UBQLN1: variants seen among roughly 807,000 people sequenced by gnomAD.
UBQLN1 encodes ubiquilin-1.
UBQLN1 carries 13 observed loss-of-function variants against 65.4 expected under a neutral mutation model. That is an observed-to-expected ratio of 0.20 (90% CI 0.13 to 0.32). The LOEUF is 0.32. UBQLN1 is among the 10% of genes least tolerant of loss of function. The pLI is 1.00. For synonymous variants in UBQLN1, 267 were observed against 247.8 expected (o/e 1.08, Z -0.73); for missense variants, 561 against 724.0 (o/e 0.77, Z 2.58).
In UBQLN1 at chr9:83,683,185, G is replaced by A. The variant is rs956857851; in HGVS notation, c.333-119C>T. 5.4e-6 allele frequency: 3 copies of A among 560,620 alleles called. No homozygotes were observed. The African/African-American group carries it at 5.7e-5, about 11-fold the overall frequency. The allele number at this position is 560,620 out of a possible 1,614,324, so 34.7% of individuals were successfully genotyped here. A position where few individuals can be genotyped will look rare whatever the true frequency, so the allele number is the denominator to read the frequency against. ...CCCAGCACTTTGGGAGGCCGAAGCT[G>A]GCTGATCACGAGGTCAAGAGATAGA... On this transcript the variant is annotated intron_variant, in intron 2 of 10. Coordinates refer to ENST00000376395, the MANE Select transcript of UBQLN1 (RefSeq NM_013438.5).
intron 1 of UBQLN1, among the ~76,000 whole-genome samples, chr9:83,696,547 G>C (rs1013450067): frequency 1.2e-4 from 18 of 152,186 alleles, no homozygotes; most frequent in African/African-American, 4.1e-4. Flanking sequence ...GCTGAAGTGG[G>C]AGAATCGCTT....
At chr9:83,662,008 A>T in intron 10 of UBQLN1, 69 bp from the exon 11 acceptor site, 1 of 1,458,036 alleles carries the variant, frequency 6.9e-7, no homozygotes, top group Non-Finnish European at 9.3e-7. Context: ...GACTTTTAAA[A>T]TTTTTTAATT....
At chr9:83,696,819 C>T (rs895766761) in intron 1 of UBQLN1, among the ~76,000 whole-genome samples, 4 of 152,048 alleles carry the variant, frequency 2.6e-5, no homozygotes, top group Admixed American at 6.5e-5. Context: ...TTACAGTACT[C>T]GGGGGCAGGG....
Position 83,661,850 on chromosome 9 carries a change from T to C in UBQLN1, c.1707A>G (p.Leu569=). 6.2e-7 allele frequency: 1 copy of C among 1,614,106 alleles called. No homozygotes were observed. Among genetic ancestry groups the C allele is most frequent in the African/African-American group, 1.3e-5 (1 of 75,054 alleles). The part of the protein sequence containing the change: ...FLNREANLQA[L]IATGGDINAA... ...CATTGATATCACCTCCTGTTGCTATTAGAGCTTGCAAGTTTGCTTCACGGT... is the reference window on the plus strand; with the variant it reads ...CATTGATATCACCTCCTGTTGCTATCAGAGCTTGCAAGTTTGCTTCACGGT... Residue 569 remains leucine (L), a synonymous_variant, in exon 11 of 11, where the codon CTA becomes CTG. Coordinates refer to ENST00000376395, the MANE Select transcript of UBQLN1 (RefSeq NM_013438.5).
chr9:83,689,737 T>A (rs1832095810), intron 1 of UBQLN1, among the ~76,000 whole-genome samples: 1 of 152,188 alleles, frequency 6.6e-6, no homozygotes, highest in Admixed American at 6.5e-5. Context: ...GGACTATCAT[T>A]AGCAGAGTAA....
chr9:83,679,697 A>C lies in UBQLN1; in HGVS notation c.711+78T>G, dbSNP rs1831908400. ...TTTAGCTTAACCATACATACAGGAC[A>C]ATCTCATTAACCACAGAAAATTAAA... On this transcript the variant is annotated intron_variant, in intron 4 of 10. Coordinates refer to ENST00000376395, the MANE Select transcript of UBQLN1 (RefSeq NM_013438.5). The C allele has an allele frequency of 1.1e-5, 16 of 1,477,608 alleles. 1 individual carries two copies. The highest frequency in any genetic ancestry group is 2.2e-4 in the Middle Eastern group (1 of 4,484). 91.5% of individuals were successfully genotyped at this position (1,477,608 alleles called of 1,614,324 possible).
Position 83,660,758 on chromosome 9 carries a change from T to G in UBQLN1, c.*1029A>C, listed in dbSNP as rs1831550842. The G allele has an allele frequency of 7.1e-6, 1 of 141,108 alleles. No homozygotes were observed. The highest frequency in any genetic ancestry group is 1.5e-5 in the Non-Finnish European group (1 of 66,664). 8.7% of individuals were successfully genotyped at this position (141,108 alleles called of 1,614,324 possible). On this transcript the variant is annotated 3_prime_UTR_variant, in exon 11 of 11. Coordinates refer to ENST00000376395, the MANE Select transcript of UBQLN1 (RefSeq NM_013438.5). ...ACTACCAAAACACTTCAGAAACAAT[T>G]GGCTCACAACTCATTTTAAATTTGT...
intron 1 of UBQLN1, among the ~76,000 whole-genome samples, chr9:83,692,157 G>A (rs1353849993): frequency 1.3e-5 from 2 of 152,166 alleles, no homozygotes; most frequent in Admixed American, 6.5e-5. Flanking sequence ...TAATTGTACC[G>A]TGCCAGATAT....
chr9:83,701,989 G>T (rs11140219), intron 1 of UBQLN1, among the ~76,000 whole-genome samples: 2 of 152,166 alleles, frequency 1.3e-5, no homozygotes, highest in Non-Finnish European at 2.9e-5. Context: ...CAATAAAAAG[G>T]AAGTAAGTAC....
At chr9:83,704,683 G>C (rs2131192813) in intron 1 of UBQLN1, among the ~76,000 whole-genome samples, 1 of 152,100 alleles carries the variant, frequency 6.6e-6, no homozygotes, top group South Asian at 2.1e-4. Context: ...AAATTAGCCG[G>C]GTGTGGTGTG....
chr9:83,682,782 T>TC (rs1373179900), intron 3 of UBQLN1, among the ~76,000 whole-genome samples, 169 bp downstream of exon 3: 1 of 151,772 alleles, frequency 6.6e-6, no homozygotes, highest in East Asian at 1.9e-4. Flanking sequence ...AATATCCATA[T>TC]CCCCAACTAC....
intron 1 of UBQLN1, among the ~76,000 whole-genome samples, chr9:83,700,643 G>T (rs1832295022): frequency 1.3e-5 from 2 of 152,132 alleles, no homozygotes; most frequent in African/African-American, 4.8e-5. Flanking sequence ...TTTGCATTAA[G>T]ATTTAAAGAT....
intron 1 of UBQLN1, among the ~76,000 whole-genome samples, chr9:83,707,016 G>C (rs1394144656): frequency 6.6e-6 from 1 of 152,112 alleles, no homozygotes; most frequent in African/African-American, 2.4e-5. Flanking sequence ...ATATACACAT[G>C]CACCTCACCC....
intron 1 of UBQLN1, among the ~76,000 whole-genome samples, chr9:83,692,309 C>T (rs985308411): frequency 2.4e-4 from 36 of 152,166 alleles, no homozygotes; most frequent in Non-Finnish European, 1.5e-4. Flanking sequence ...CTGCTTCCTA[C>T]AGAATAAAGA....
chr9:83,699,956 G>C (rs1302052377), intron 1 of UBQLN1, among the ~76,000 whole-genome samples: 1 of 152,158 alleles, frequency 6.6e-6, no homozygotes, highest in African/African-American at 2.4e-5. Context: ...ACGGTATCTT[G>C]AAATCTGCCA....
At chr9:83,701,068 C>T (rs960823445) in intron 1 of UBQLN1, among the ~76,000 whole-genome samples, 2 of 152,112 alleles carry the variant, frequency 1.3e-5, no homozygotes, top group African/African-American at 2.4e-5. Flanking sequence ...CTATAAAATA[C>T]GCCACCACAG....
intron 1 of UBQLN1, among the ~76,000 whole-genome samples, chr9:83,691,198 CATAT>C (rs10580448): frequency 6.7e-6 from 1 of 150,138 alleles, no homozygotes; most frequent in Admixed American, 6.6e-5. Context: ...ACATATAATA[CATAT>C]ATATATATAT....
At chr9:83,700,812 G>T (rs1832297311) in intron 1 of UBQLN1, among the ~76,000 whole-genome samples, 1 of 152,188 alleles carries the variant, frequency 6.6e-6, no homozygotes, top group Non-Finnish European at 1.5e-5. Flanking sequence ...GCAAAAAATG[G>T]AGAGGGCATG....
At chr9:83,662,993 T>G (rs1278189375) in intron 10 of UBQLN1, among the ~76,000 whole-genome samples, 1 of 151,022 alleles carries the variant, frequency 6.6e-6, no homozygotes, top group Non-Finnish European at 1.5e-5. Flanking sequence ...GGAGGATTGC[T>G]GCAGCCCAGG....
Sources: gnomAD v4.1 joint callset for allele counts (sites outside exome capture counted in the v4.1 genomes callset) on GRCh38, gnomAD v4.1.1 for gene constraint, MANE v1.5 for transcripts, NCBI Gene and HGNC (gene_info 2026-07-23, HGNC 2026-07-21) for gene names.